Variants in FAM83E observed in about 807,000 individuals in gnomAD.
FAM83E encodes protein FAM83E.
A neutral mutation model predicts 34.3 loss-of-function variants in FAM83E; 29 were observed. The observed-to-expected ratio is 0.85, with a 90% CI of 0.63 to 1.15. The LOEUF (loss-of-function observed/expected upper bound fraction) is 1.15, where lower values mean the gene tolerates loss of function less well. Among genes scored for constraint, FAM83E ranks in the 50% most tolerant of loss-of-function variants. The pLI is 0.00. For synonymous variants in FAM83E, 312 were observed against 311.6 expected, an observed-to-expected ratio of 1.00 and a Z score of -0.01; for missense variants, 697 against 685.0, an observed-to-expected ratio of 1.02 and a Z score of -0.20.
intron 6 of FAM83E, 66 bp downstream of exon 6, chr19:48,603,428 A>C: frequency 2.8e-5 from 39 of 1,409,678 alleles, no homozygotes; most frequent in Non-Finnish European, 3.5e-5. Context: ...CCTGGCTTGC[A>C]CCACCCTGGG....
rs10853802 is a variant in FAM83E at position 48,610,662 on chromosome 19, C to T, written c.633+18G>A. ...CAGGGGAATGGGGACTCACAGGACC[C>T]CCTGGCCCGGCCCCTACCTCCGTGT... is the stretch of plus-strand genomic sequence containing the variant. On this transcript the variant is annotated intron_variant, in intron 4 of 6. Transcript: ENST00000263266. 1.2e-5 allele frequency: 18 copies of T among 1,553,046 alleles called. No homozygotes were observed. Among genetic ancestry groups the T allele is most frequent in the Non-Finnish European group, 1.6e-5 (18 of 1,148,302 alleles).
intron 6 of FAM83E, among the ~76,000 whole-genome samples, chr19:48,601,874 G>A (rs1001027567): frequency 2.0e-5 from 3 of 149,534 alleles, no homozygotes; most frequent in Admixed American, 6.7e-5. Context: ...GAGGCCGGAC[G>A]CGGTGGCTCA....
Position 48,603,788 on chromosome 19 carries a change from C to G in FAM83E, c.882G>C (p.Ala294=). ...CTATGACCGAGGGTTTCTGGGGGGG[C>G]GCAGGTGGGAGCGGGCAGGAGGCCG... is the stretch of plus-strand genomic sequence containing the variant. The part of the protein sequence containing the change: ...LYAASCPLPP[A]PPQKPSVIGG... Residue 294 remains alanine, a synonymous_variant, in exon 6 of 7, where the codon GCG becomes GCC. Coordinates refer to ENST00000263266, the MANE Select transcript of FAM83E (RefSeq NM_017708.4). 1 of 1,593,320 alleles carries G rather than the reference C, an allele frequency of 6.3e-7. No individual in the cohort carries two copies. The highest frequency in any genetic ancestry group is 8.5e-7 in the Non-Finnish European group (1 of 1,171,560).
intron 3 of FAM83E, among the ~76,000 whole-genome samples, chr19:48,611,501 T>C (rs1424190312): frequency 6.7e-6 from 1 of 149,154 alleles, no homozygotes; most frequent in East Asian, 2.0e-4. Flanking sequence ...GAAGTCTTGC[T>C]CTGTTGCCCA....
At chr19:48,609,215 G>A (rs1015391870) in intron 5 of FAM83E, among the ~76,000 whole-genome samples, 1 of 150,738 alleles carries the variant, frequency 6.6e-6, no homozygotes, top group South Asian at 2.1e-4. Context: ...CCCTAGCTGT[G>A]CTGTGACCCT....
chr19:48,603,677 C>A lies in FAM83E; in HGVS notation c.993G>T (p.Pro331=). 7.7e-7 allele frequency: 1 copy of A among 1,295,064 alleles called. No individual in the cohort carries two copies. Among genetic ancestry groups the A allele is most frequent in the Non-Finnish European group, 9.8e-7 (1 of 1,019,130 alleles). The allele number at this position is 1,295,064 out of a possible 1,614,324, so 80.2% of individuals were successfully genotyped here. A position where few individuals can be genotyped will look rare whatever the true frequency, so the allele number is the denominator to read the frequency against. ...GGCAGGCGGCCAGGCGGTGGGCCAG[C>A]GGGCCGTCAGGCGGCGGAGGCGACG... is the stretch of plus-strand genomic sequence containing the variant. ...APASPPPPDG[P]LAHRLAACRV... is the part of the protein sequence containing the mutation. Residue 331 remains proline, a synonymous_variant, in exon 6 of 7, where the codon CCG becomes CCT. Coordinates refer to ENST00000263266, the MANE Select transcript of FAM83E (RefSeq NM_017708.4).
At chr19:48,602,705 ATATATATATATATATATAT>A (rs1469298845) in intron 6 of FAM83E, among the ~76,000 whole-genome samples, 331 of 29,426 alleles carry the variant, frequency 0.011, 82 homozygotes, top group African/African-American at 0.05. Context: ...AAAAAAAAAA[ATATATATATATATATATAT>A]ATATATATAT....
Position 48,613,994 on chromosome 19 carries a change from T to G in FAM83E, c.-622A>C, listed in dbSNP as rs1974097926. On this transcript the variant is annotated 5_prime_UTR_variant, in exon 3 of 7. Transcript: ENST00000263266. ...AATGGCTTCCGACTGACAGTCACAGTATCTGCCTGTTGGAGCATCTGTCTC... is the reference window on the plus strand; with the variant it reads ...AATGGCTTCCGACTGACAGTCACAGGATCTGCCTGTTGGAGCATCTGTCTC... 1.0e-6 allele frequency: 1 copy of G among 985,318 alleles called. No individual in the cohort carries two copies. The highest frequency in any genetic ancestry group is 1.2e-6 in the Non-Finnish European group (1 of 829,950). 61.0% of individuals were successfully genotyped at this position (985,318 alleles called of 1,614,324 possible).
intron 4 of FAM83E, 108 bp downstream of exon 4, chr19:48,610,572 C>T (rs1170869451): frequency 1.2e-5 from 16 of 1,302,982 alleles, no homozygotes; most frequent in Non-Finnish European, 7.3e-6. Context: ...GGGGACCATC[C>T]CTGCTAGCAT....
At position 48,613,830 on chromosome 19, in the gene FAM83E, A is replaced by G; in HGVS notation, c.-458T>C. On this transcript the variant is annotated 5_prime_UTR_variant, in exon 3 of 7. Coordinates refer to ENST00000263266, the MANE Select transcript of FAM83E (RefSeq NM_017708.4). Reference sequence around the variant, plus strand: ...TGTCCTGAATTTGGTCAGGCTGACCACTTGATCATTTCCAGGCGGCAAGCT... The same window carrying G: ...TGTCCTGAATTTGGTCAGGCTGACCGCTTGATCATTTCCAGGCGGCAAGCT... 4.1e-6 allele frequency: 4 copies of G among 985,416 alleles called. No individual in the cohort carries two copies. Among genetic ancestry groups the G allele is most frequent in the Non-Finnish European group, 4.8e-6 (4 of 829,930 alleles). 61.0% of individuals were successfully genotyped at this position (985,416 alleles called of 1,614,324 possible). A position where few individuals can be genotyped will look rare whatever the true frequency, so the allele number is the denominator to read the frequency against.
At position 48,613,349 on chromosome 19, in the gene FAM83E, C is replaced by T. The variant is rs373944703; in HGVS notation, c.24G>A (p.Ala8=). 6.0e-5 allele frequency: 95 copies of T among 1,572,718 alleles called. No individual in the cohort carries two copies. In the African/African-American group the frequency reaches 8.0e-4, roughly 13 times the overall value. ...TGGGACCGGAGTCCACTCCTTCCAG[C>T]GCCGCCAGCTGGGAGGCCGCCATCG... MAASQLA[A]LEGVDSGPRV... Residue 8 remains alanine (A), a synonymous_variant, in exon 3 of 7, where the codon GCG becomes GCA. Coordinates refer to ENST00000263266, the MANE Select transcript of FAM83E (RefSeq NM_017708.4).
rs183074847 is a variant in FAM83E at position 48,604,361 on chromosome 19, G to A, written c.759-450C>T. Among the ~76,000 whole-genome samples the A allele has an allele frequency of 5.1e-3, 611 of 120,536 alleles. 5 individuals carry two copies. Among genetic ancestry groups the A allele is most frequent in the Non-Finnish European group, 6.7e-3 (409 of 61,478 alleles). The allele number at this position is 120,536 out of a possible 152,430, so 79.1% of individuals were successfully genotyped here. ...TTTTTTTTTTGTGAGACGGAGTTTC[G>A]CTCTTTTTGCCCAGGCTGGAGTGTA... On this transcript the variant is annotated intron_variant, in intron 5 of 6. Coordinates refer to ENST00000263266, the MANE Select transcript of FAM83E (RefSeq NM_017708.4).
intron 5 of FAM83E, among the ~76,000 whole-genome samples, chr19:48,605,033 A>C (rs1280057154): frequency 3.3e-5 from 5 of 151,646 alleles, no homozygotes; most frequent in Admixed American, 2.6e-4. Flanking sequence ...AAAAAAAAAA[A>C]AAAAAAAAAA....
Position 48,612,698 on chromosome 19 carries a change from G to A in FAM83E, c.465+210C>T, listed in dbSNP as rs1021774036. On this transcript the variant is annotated intron_variant, in intron 3 of 6. Transcript: ENST00000263266. ...ATTACAGGCGTGAGCCACCGCGCCC[G>A]GCCGGGCCCCCCTTTCTGAGAGTAA... Among the ~76,000 whole-genome samples the A allele has an allele frequency of 1.3e-4, 20 of 152,218 alleles. No individual in the cohort carries two copies. In the Middle Eastern group the frequency reaches 0.014, roughly 104 times the overall value.
chr19:48,601,449 G>A, intron 6 of FAM83E, 80 bp from the exon 7 acceptor site: 3 of 1,519,712 alleles, frequency 2.0e-6, no homozygotes, highest in South Asian at 1.2e-5. Flanking sequence ...AAGGCAGGAG[G>A]TGAGGCAAGA....
At chr19:48,603,461 C>G (rs767686591) in intron 6 of FAM83E, 33 bp downstream of exon 6, 1 of 1,510,836 alleles carries the variant, frequency 6.6e-7, no homozygotes, top group Admixed American at 2.1e-5. Flanking sequence ...CCTTCCTGGG[C>G]TCCATCTTCT....
At chr19:48,607,006 G>A in intron 5 of FAM83E, 2 of 1,609,530 alleles carry the variant, frequency 1.2e-6, no homozygotes, top group Non-Finnish European at 1.7e-6. Context: ...GCTGCTTCTG[G>A]TGATGGCTCT....
At chr19:48,611,577 C>T (rs1974042724) in intron 3 of FAM83E, among the ~76,000 whole-genome samples, 1 of 152,226 alleles carries the variant, frequency 6.6e-6, no homozygotes, top group East Asian at 1.9e-4. Context: ...AAGCAGTTCT[C>T]CTGCCTCAGC....
chr19:48,613,146 A>G lies in FAM83E; in HGVS notation c.227T>C (p.Val76Ala). The G allele has an allele frequency of 1.2e-6, 2 of 1,612,022 alleles. No individual in the cohort carries two copies. Among genetic ancestry groups the G allele is most frequent in the Non-Finnish European group, 1.7e-6 (2 of 1,179,844 alleles). Residue 76 changes from valine to alanine, a missense_variant, in exon 3 of 7, where the codon GTG becomes GCG. Physicochemically the swap from Val to Ala is moderately conservative, Grantham distance 64 (BLOSUM62 0). Coordinates refer to ENST00000263266, the MANE Select transcript of FAM83E (RefSeq NM_017708.4). The part of the protein sequence containing the change: ...GLAAAAEDWT[V>A]AKQEPSGMAE... ...CATCCCGCTGGGCTCCTGCTTGGCC[A>G]CTGTCCAGTCTTCAGCTGCCGCTGC...
Sources: gnomAD v4.1 joint callset for allele counts (sites outside exome capture counted in the v4.1 genomes callset) on GRCh38, gnomAD v4.1.1 for gene constraint, MANE v1.5 for transcripts, NCBI Gene and HGNC (gene_info 2026-07-23, HGNC 2026-07-21) for gene names.